Variants in KIAA1217 observed in about 807,000 individuals in gnomAD.
KIAA1217 encodes the protein sickle tail protein homolog.
KIAA1217 carries 88 observed loss-of-function variants against 163.9 expected under a neutral mutation model. That is an observed-to-expected ratio of 0.54 (90% CI 0.45 to 0.64). The LOEUF (loss-of-function observed/expected upper bound fraction) is 0.64. Among genes scored for constraint, KIAA1217 ranks in the 30% least tolerant of loss-of-function variants. KIAA1217 has a pLI of 0.00. For missense variants in KIAA1217, 2,372 were observed against 2,475.0 expected (o/e 0.96, Z 0.88); for synonymous variants, 903 against 923.1 (o/e 0.98, Z 0.39).
chr10:24,497,978 G>A (rs1592418732), intron 8 of KIAA1217, among the ~76,000 whole-genome samples: 1 of 152,106 alleles, frequency 6.6e-6, no homozygotes, highest in East Asian at 1.9e-4. Flanking sequence ...AAAAGTTATT[G>A]AAATTATATA....
At chr10:24,088,611 C>A (rs1284451420) in intron 2 of KIAA1217, among the ~76,000 whole-genome samples, 4 of 122,468 alleles carry the variant, frequency 3.3e-5, no homozygotes, top group African/African-American at 1.0e-4. Context: ...CATGTCCCTA[C>A]AAAGGACATG....
chr10:24,071,303 A>G (rs1012025947), intron 2 of KIAA1217, among the ~76,000 whole-genome samples: 4 of 152,178 alleles, frequency 2.6e-5, no homozygotes, highest in Non-Finnish European at 5.9e-5. Flanking sequence ...ATATGGTTTG[A>G]AAAGTACAAT....
intron 2 of KIAA1217, among the ~76,000 whole-genome samples, chr10:24,282,070 A>G (rs1486798990): frequency 1.3e-5 from 2 of 152,010 alleles, no homozygotes; most frequent in South Asian, 2.1e-4. Flanking sequence ...AACAACAAAA[A>G]AAGTACCAAT....
intron 3 of KIAA1217, among the ~76,000 whole-genome samples, chr10:24,385,973 C>T (rs1336316462): frequency 1.3e-5 from 2 of 152,078 alleles, no homozygotes; most frequent in East Asian, 3.9e-4. Context: ...CTGGCCACTG[C>T]GTAGTCGGCC....
At chr10:24,322,731 C>T (rs572440404) in intron 2 of KIAA1217, among the ~76,000 whole-genome samples, 5 of 152,262 alleles carry the variant, frequency 3.3e-5, no homozygotes, top group Admixed American at 2.0e-4. Context: ...CTCTATTCTG[C>T]GTCTCACCTT....
At chr10:24,070,350 A>T (rs1201361178) in intron 2 of KIAA1217, among the ~76,000 whole-genome samples, 1 of 152,162 alleles carries the variant, frequency 6.6e-6, no homozygotes, top group Non-Finnish European at 1.5e-5. Context: ...AACAAAATAC[A>T]TTGAAAAAAA....
intron 1 of KIAA1217, among the ~76,000 whole-genome samples, chr10:23,883,023 T>C (rs1841017739): frequency 6.6e-6 from 1 of 151,904 alleles, no homozygotes; most frequent in Non-Finnish European, 1.5e-5. Flanking sequence ...CTAGAATGAT[T>C]TGCATTACAG....
At chr10:24,113,073 C>T (rs1378859025) in intron 2 of KIAA1217, among the ~76,000 whole-genome samples, 1 of 152,054 alleles carries the variant, frequency 6.6e-6, no homozygotes, top group East Asian at 1.9e-4. Flanking sequence ...ACCCTGATTC[C>T]AGGGTGAGAG....
chr10:23,921,061 T>C (rs1183880979), intron 1 of KIAA1217, among the ~76,000 whole-genome samples: 1 of 152,202 alleles, frequency 6.6e-6, no homozygotes, highest in Admixed American at 6.5e-5. Flanking sequence ...TCTTTTTCTT[T>C]ATAAATTACG....
rs190008891 is a variant in KIAA1217, at chr10:23,763,493, A to G, written c.-321+68259A>G. 1.5e-3 allele frequency among the ~76,000 whole-genome samples: 223 copies of G among 152,286 alleles called. 1 individual carries two copies. Among genetic ancestry groups the G allele is most frequent in the African/African-American group, 5.1e-3 (210 of 41,576 alleles). ...AACCATCTGATCTTCGATAAACCCCACAAAAACAAGCATGGGGGAAGGTAA... is the reference window on the plus strand; with the variant it reads ...AACCATCTGATCTTCGATAAACCCCGCAAAAACAAGCATGGGGGAAGGTAA... On this transcript the variant is annotated intron_variant, in intron 1 of 18. Transcript: ENST00000376462.
At chr10:24,486,825 G>A (rs1003551821) in intron 6 of KIAA1217, among the ~76,000 whole-genome samples, 9 of 151,996 alleles carry the variant, frequency 5.9e-5, no homozygotes, top group Non-Finnish European at 1.5e-5. Context: ...TGGTGTCTAA[G>A]GTTTATCATC....
intron 1 of KIAA1217, among the ~76,000 whole-genome samples, chr10:23,902,575 C>A (rs1043269950): frequency 6.6e-6 from 1 of 152,036 alleles, no homozygotes; most frequent in Non-Finnish European, 1.5e-5. Context: ...GCTCCAGAAC[C>A]AATTCATAGC....
At chr10:23,902,218 A>C (rs975102349) in intron 1 of KIAA1217, among the ~76,000 whole-genome samples, 3 of 152,128 alleles carry the variant, frequency 2.0e-5, no homozygotes, top group African/African-American at 2.4e-5. Flanking sequence ...TGTCCTTTGC[A>C]GGAAAATGGA....
At chr10:24,533,263 G>A in intron 16 of KIAA1217, 26 bp downstream of exon 16, 5 of 1,583,610 alleles carry the variant, frequency 3.2e-6, no homozygotes, top group Non-Finnish European at 3.4e-6. Flanking sequence ...GACTGACATT[G>A]GCTCCTTGCC....
intron 1 of KIAA1217, among the ~76,000 whole-genome samples, chr10:23,703,038 C>T (rs1209784984): frequency 6.6e-6 from 1 of 151,990 alleles, no homozygotes; most frequent in Non-Finnish European, 1.5e-5. Context: ...CCCTCGGGCT[C>T]CTTGATGCAA....
intron 1 of KIAA1217, among the ~76,000 whole-genome samples, chr10:23,790,513 A>G (rs1415305114): frequency 1.8e-5 from 2 of 112,474 alleles, no homozygotes; most frequent in Admixed American, 9.7e-5. Flanking sequence ...ATATATACAT[A>G]TGTATATATA....
At chr10:23,895,401 A>G (rs1358024819) in intron 1 of KIAA1217, among the ~76,000 whole-genome samples, 1 of 152,248 alleles carries the variant, frequency 6.6e-6, no homozygotes, top group Non-Finnish European at 1.5e-5. Context: ...AATGCTCACC[A>G]TCACTGGCCA....
intron 2 of KIAA1217, among the ~76,000 whole-genome samples, chr10:24,045,911 T>A (rs1315134469): frequency 6.6e-6 from 1 of 152,110 alleles, no homozygotes; most frequent in Non-Finnish European, 1.5e-5. Context: ...CATGTTCACC[T>A]ATGGAGAATT....
chr10:24,437,951 G>A (rs550290581), intron 4 of KIAA1217, among the ~76,000 whole-genome samples: 1 of 140,720 alleles, frequency 7.1e-6, no homozygotes, highest in South Asian at 2.3e-4. Flanking sequence ...CTTCTTTCAT[G>A]TACATTCATT....
Sources: gnomAD v4.1 joint callset for allele counts (sites outside exome capture counted in the v4.1 genomes callset) on GRCh38, gnomAD v4.1.1 for gene constraint, MANE v1.5 for transcripts, NCBI Gene and HGNC (gene_info 2026-07-23, HGNC 2026-07-21) for gene names.